Variants in SIGLEC7 observed in about 807,000 individuals in gnomAD.
SIGLEC7 encodes sialic acid-binding Ig-like lectin 7.
A neutral mutation model predicts 40.8 loss-of-function variants in SIGLEC7; 33 were observed. The observed-to-expected ratio is 0.81, with a 90% confidence interval of 0.61 to 1.08. The LOEUF (loss-of-function observed/expected upper bound fraction) is 1.08, where lower values mean the gene tolerates loss of function less well. Ranked by LOEUF, SIGLEC7 falls within the 50% of genes least tolerant of loss-of-function variation. SIGLEC7 has a pLI of 0.00. For missense variants in SIGLEC7, 513 were observed against 576.1 expected, an observed-to-expected ratio of 0.89 and a Z score of 1.12; for synonymous variants, 242 against 237.6, an observed-to-expected ratio of 1.02 and a Z score of -0.17.
At chr19:51,150,881 C>T (rs2092138671) in intron 6 of SIGLEC7, among the ~76,000 whole-genome samples, 1 of 152,096 alleles carries the variant, frequency 6.6e-6, no homozygotes, top group Non-Finnish European at 1.5e-5. Context: ...GGAGTTGAGC[C>T]TATGTGAATT....
chr19:51,144,244 T>G, intron 1 of SIGLEC7, 162 bp from the exon 2 acceptor site: 2 of 1,080,600 alleles, frequency 1.9e-6, no homozygotes, highest in South Asian at 1.5e-5. Flanking sequence ...GGAAAGGTCA[T>G]GGGGGTGGCA....
intron 6 of SIGLEC7, among the ~76,000 whole-genome samples, chr19:51,150,393 A>G (rs1043554813): frequency 1.3e-5 from 2 of 152,242 alleles, no homozygotes; most frequent in Non-Finnish European, 2.9e-5. Context: ...TTCTGCATCT[A>G]TTGAGATAAT....
Position 51,147,288 on chromosome 19 carries a change from G to T in SIGLEC7, c.1192G>T (p.Ala398Ser). The T allele has an allele frequency of 6.2e-7, 1 of 1,611,766 alleles. No homozygotes were observed. The highest frequency in any genetic ancestry group is 8.5e-7 in the Non-Finnish European group (1 of 1,178,504). Residue 398 changes from alanine to serine, a missense_variant, in exon 6 of 7, where the codon GCA becomes TCA. Ala to Ser is a moderately conservative substitution (Grantham distance 99). Coordinates refer to ENST00000317643, the MANE Select transcript of SIGLEC7 (RefSeq NM_014385.4). ...CGTGGGAGACATAGGCATGAAGGAT[G>T]CAAACACCATCAGGGGCTCAGCCTC... is the stretch of plus-strand genomic sequence containing the variant. Reference protein sequence around the residue: ...ADVGDIGMKDANTIRGSASQG... With the variant: ...ADVGDIGMKDSNTIRGSASQG...
At chr19:51,150,007 A>C (rs768921767) in intron 6 of SIGLEC7, among the ~76,000 whole-genome samples, 2 of 152,170 alleles carry the variant, frequency 1.3e-5, no homozygotes, top group Non-Finnish European at 2.9e-5. Context: ...TGTATCCTGA[A>C]ACTTTGCTGA....
At position 51,145,898 on chromosome 19, in the gene SIGLEC7, G is replaced by C. The variant is rs1310563719; in HGVS notation, c.804G>C (p.Glu268Asp). 1 of 1,614,186 alleles carries C rather than the reference G, an allele frequency of 6.2e-7. No individual in the cohort carries two copies. Among genetic ancestry groups the C allele is most frequent in the South Asian group, 1.1e-5 (1 of 91,086 alleles). The change falls in exon 4 of 7, where the codon GAG becomes GAC. Residue 268 changes from glutamate (E) to aspartate (D), a missense_variant. Transcript: ENST00000317643. The surrounding 1 kb of genome is among the most constrained non-coding windows in gnomAD (Gnocchi z 4.3). ...ACAGCTCATCTCTTTCAGTCCTAGA[G>C]GGCCAGTCTCTGCGCTTGGTCTGTG... Reference protein sequence around the residue: ...LGNSSSLSVLEGQSLRLVCAV... With the variant: ...LGNSSSLSVLDGQSLRLVCAV...
Position 51,153,100 on chromosome 19 carries a change from G to T in SIGLEC7, c.1259G>T (p.Arg420Leu), listed in dbSNP as rs763517945. Residue 420 changes from arginine (R) to leucine (L), a missense_variant, in exon 7 of 7, where the codon CGA becomes CTA. Transcript: ENST00000317643. The part of the protein sequence containing the change: ...LTESWADDNP[R>L]HHGLAAHSSG... ...GAGTCCTGGGCAGATGATAACCCCC[G>T]ACACCATGGCCTGGCTGCCCACTCC... 1 of 1,604,010 alleles carries T rather than the reference G, an allele frequency of 6.2e-7. No individual in the cohort carries two copies. Among genetic ancestry groups the T allele is most frequent in the Admixed American group, 1.7e-5 (1 of 58,836 alleles).
chr19:51,146,819 G>T lies in SIGLEC7; in HGVS notation c.1093G>T (p.Val365Phe). ...AVGGAGATAL[V>F]FLSFCVIFIV... ...CGGGGGAGCTGGAGCCACAGCCCTG[G>T]TCTTCCTCTCCTTCTGTGTCATCTT... Residue 365 changes from valine (V) to phenylalanine (F), a missense_variant, in exon 5 of 7, where the codon GTC (valine) becomes TTC (phenylalanine). Physicochemically the swap from Val to Phe is conservative, Grantham distance 50. Transcript: ENST00000317643. The T allele has an allele frequency of 6.2e-7, 1 of 1,614,080 alleles. No individual in the cohort carries two copies. Among genetic ancestry groups the T allele is most frequent in the Non-Finnish European group, 8.5e-7 (1 of 1,179,962 alleles).
chr19:51,149,496 C>T (rs2134072), intron 6 of SIGLEC7, among the ~76,000 whole-genome samples: 12,567 of 151,978 alleles, frequency 0.083, 1,595 homozygotes, highest in African/African-American at 0.27. Flanking sequence ...CTCTCTATTC[C>T]GTTCCATTGG....
In SIGLEC7 at chr19:51,153,116, T is replaced by C. The variant is rs1422419631; in HGVS notation, c.1275T>C (p.Ala425=). 1.2e-6 allele frequency: 2 copies of C among 1,606,748 alleles called. No individual in the cohort carries two copies. Among genetic ancestry groups the C allele is most frequent in the South Asian group, 2.3e-5 (2 of 88,758 alleles). Residue 425 remains alanine (A), a synonymous_variant, in exon 7 of 7, where the codon GCT becomes GCC. Transcript: ENST00000317643. ...ADDNPRHHGL[A]AHSSGEEREI... Reference sequence around the variant, plus strand: ...ATAACCCCCGACACCATGGCCTGGCTGCCCACTCCTCAGGGGAGGAAAGAG... The same window carrying C: ...ATAACCCCCGACACCATGGCCTGGCCGCCCACTCCTCAGGGGAGGAAAGAG...
chr19:51,146,792 G>A lies in SIGLEC7; in HGVS notation c.1066G>A (p.Val356Ile), dbSNP rs771941732. The A allele has an allele frequency of 5.0e-6, 8 of 1,613,900 alleles. No homozygotes were observed. The highest frequency in any genetic ancestry group is 1.3e-5 in the African/African-American group (1 of 75,014). ...TGTATCAGGAGTGTTGCTGGGGGCG[G>A]TCGGGGGAGCTGGAGCCACAGCCCT... ...RPVSGVLLGA[V>I]GGAGATALVF... Residue 356 changes from valine (V) to isoleucine (I), a missense_variant, in exon 5 of 7, where the codon GTC becomes ATC. Transcript: ENST00000317643.
In SIGLEC7 at chr19:51,144,703, C is replaced by T. The variant is rs779443347; in HGVS notation, c.712+19C>T. ...GTGTCCTGTGAGTGCTGAGCCAGGA[C>T]GCCCTGGTCCCTGATGAGGGGGGGA... On this transcript the variant is annotated intron_variant, in intron 2 of 6. Transcript: ENST00000317643. 38 of 1,609,048 alleles carry T rather than the reference C, an allele frequency of 2.4e-5. 1 individual carries two copies. In the East Asian group the frequency reaches 5.1e-4, roughly 22 times the overall value.
chr19:51,146,886 G>T (rs373238870), intron 5 of SIGLEC7, 36 bp downstream of exon 5: 3 of 1,582,332 alleles, frequency 1.9e-6, no homozygotes, highest in Non-Finnish European at 2.6e-6. Context: ...GGAGAGTCCT[G>T]GGGGAGGGCG....
chr19:51,143,919 T>C, intron 1 of SIGLEC7: 1 of 465,346 alleles, frequency 2.1e-6, no homozygotes, highest in Non-Finnish European at 4.3e-6. Flanking sequence ...TGCAGTGTCC[T>C]TTAACCCTAT....
Position 51,147,243 on chromosome 19 carries a change from T to C in SIGLEC7, c.1147T>C (p.Ser383Pro), listed in dbSNP as rs1377124093. 9.9e-6 allele frequency: 16 copies of C among 1,612,342 alleles called. No individual in the cohort carries two copies. Among genetic ancestry groups the C allele is most frequent in the Non-Finnish European group, 1.3e-5 (15 of 1,178,986 alleles). The change falls in exon 6 of 7, where the codon TCG becomes CCG. Residue 383 changes from serine to proline, a missense_variant. Transcript: ENST00000317643. Reference sequence around the variant, plus strand: ...CAGAGTGAGGTCCTGCAGGAAGAAATCGGCAAGGCCAGCAGCGGACGTGGG... The same window carrying C: ...CAGAGTGAGGTCCTGCAGGAAGAAACCGGCAAGGCCAGCAGCGGACGTGGG... ...FIVVRSCRKK[S>P]ARPAADVGDI...
At chr19:51,151,904 G>A (rs2092146001) in intron 6 of SIGLEC7, among the ~76,000 whole-genome samples, 2 of 152,240 alleles carry the variant, frequency 1.3e-5, no homozygotes, top group Admixed American at 1.3e-4. Flanking sequence ...CAGGGGAGCA[G>A]CAGGGAAGGG....
chr19:51,150,497 G>T (rs1041203401), intron 6 of SIGLEC7, among the ~76,000 whole-genome samples: 2 of 152,158 alleles, frequency 1.3e-5, no homozygotes, highest in African/African-American at 2.4e-5. Context: ...GATCATATTG[G>T]ATTAACCTTC....
chr19:51,147,006 G>T, intron 5 of SIGLEC7, 156 bp downstream of exon 5: 1 of 994,582 alleles, frequency 1.0e-6, no homozygotes, highest in Non-Finnish European at 1.5e-6. Context: ...GAGCGCCCTT[G>T]TCTGTGGGGC....
chr19:51,153,052 T>C lies in SIGLEC7; in HGVS notation c.1222-11T>C. 6.5e-7 allele frequency: 1 copy of C among 1,527,174 alleles called. No individual in the cohort carries two copies. The allele number at this position is 1,527,174 out of a possible 1,614,324, so 94.6% of individuals were successfully genotyped here. ...TGCTCTGCTCTGACTCTCTTCTCTC[T>C]CTCCATTCAGGGTAACCTGACTGAG... On this transcript the variant is annotated splice_polypyrimidine_tract_variant and intron_variant, in intron 6 of 6. Transcript: ENST00000317643.
chr19:51,148,810 A>G (rs539086185), intron 6 of SIGLEC7, among the ~76,000 whole-genome samples: 6 of 152,338 alleles, frequency 3.9e-5, no homozygotes, highest in Middle Eastern at 3.4e-3. Flanking sequence ...TGCCGACAGT[A>G]TAAGTGTTCC....
Sources: gnomAD v4.1 joint callset for allele counts (sites outside exome capture counted in the v4.1 genomes callset) on GRCh38, gnomAD v4.1.1 for gene constraint, Gnocchi (gnomAD v3.1) non-coding constraint, MANE v1.5 for transcripts, NCBI Gene and HGNC (gene_info 2026-07-23, HGNC 2026-07-21) for gene names.